Variants in VAT1 observed in about 807,000 individuals in gnomAD.
VAT1 encodes the protein vesicle amine transport 1, also known as NADPH-dependent quinone oxidoreductase VAT1.
Under a neutral mutation model 33.3 loss-of-function variants are expected in VAT1, and 24 were observed. The observed-to-expected ratio is 0.72, with a 90% CI of 0.52 to 1.01. The LOEUF (loss-of-function observed/expected upper bound fraction) is 1.01, where lower values mean the gene tolerates loss of function less well. Among genes scored for constraint, VAT1 ranks in the 50% least tolerant of loss-of-function variants. VAT1 has a pLI of 0.00. For missense variants in VAT1, 436 were observed against 533.7 expected, an observed-to-expected ratio of 0.82 and a Z score of 1.80; for synonymous variants, 212 against 225.0, an observed-to-expected ratio of 0.94 and a Z score of 0.52.
Position 43,021,940 on chromosome 17 carries a change from C to T in VAT1, c.383G>A (p.Arg128His), listed in dbSNP as rs1442638177. Residue 128 changes from arginine to histidine, a missense_variant, in exon 1 of 6, where the codon CGC (arginine) becomes CAC (histidine). By Grantham distance (29) the Arg-to-His change is conservative. Coordinates refer to ENST00000355653, the MANE Select transcript of VAT1 (RefSeq NM_006373.4). ...VIAVGEGVSDRKAGDRVMVLN... is the reference protein window; with the variant it reads ...VIAVGEGVSDHKAGDRVMVLN... ...TGCCCTACGCAACCCGCTCACCTTG[C>T]GGTCGCTGACTCCCTCGCCCACTGC... 1.2e-6 allele frequency: 2 copies of T among 1,610,544 alleles called. No individual in the cohort carries two copies. Among genetic ancestry groups the T allele is most frequent in the South Asian group, 1.1e-5 (1 of 90,928 alleles).
Position 43,022,043 on chromosome 17 carries a change from T to C in VAT1, c.280A>G (p.Met94Val), listed in dbSNP as rs750907052. The C allele has an allele frequency of 4.4e-6, 7 of 1,607,868 alleles. No homozygotes were observed. Among genetic ancestry groups the C allele is most frequent in the South Asian group, 1.1e-5 (1 of 90,396 alleles). The change falls in exon 1 of 6, where the codon ATG becomes GTG. Residue 94 changes from methionine (M) to valine (V), a missense_variant. Met to Val is a conservative substitution (Grantham distance 21, BLOSUM62 1). Around this residue, in one of 2 missense-constraint regions of VAT1, gnomAD observed 282 missense variants for 405.4 expected, o/e 0.70. Coordinates refer to ENST00000355653, the MANE Select transcript of VAT1 (RefSeq NM_006373.4). ...CGGTCGTACAGCCCCTGCCTAGCCATGAGGTCTGCGAAGTTGAGCCCGCAG... is the reference window on the plus strand; with the variant it reads ...CGGTCGTACAGCCCCTGCCTAGCCACGAGGTCTGCGAAGTTGAGCCCGCAG... The part of the protein sequence containing the change: ...RACGLNFADL[M>V]ARQGLYDRLP...
intron 1 of VAT1, among the ~76,000 whole-genome samples, chr17:43,021,348 A>G (rs1363927933): frequency 2.6e-5 from 4 of 152,104 alleles, no homozygotes; most frequent in Admixed American, 2.6e-4. Context: ...GCGGTGGGGT[A>G]GCAAAGGCTC....
intron 1 of VAT1, 43 bp downstream of exon 1, chr17:43,021,893 A>C: frequency 6.2e-7 from 1 of 1,605,136 alleles, no homozygotes; most frequent in African/African-American, 1.3e-5. Flanking sequence ...CCCACTGCCC[A>C]GTGGCCTGCG....
At chr17:43,016,222 C>A in intron 5 of VAT1, 78 bp from the exon 6 acceptor site, 1 of 1,610,100 alleles carries the variant, frequency 6.2e-7, no homozygotes. Flanking sequence ...GCAGGCAGCC[C>A]TCCTCTTCCC....
In VAT1 at chr17:43,022,279, T is replaced by A. The variant is rs779470392; in HGVS notation, c.44A>T (p.Asp15Val). The A allele has an allele frequency of 6.3e-6, 10 of 1,588,568 alleles. No homozygotes were observed. The East Asian group carries it at 2.3e-4, about 36-fold the overall frequency. ...GGTTTTCGGAGGCGGCGAAGAGGCGTCTTCCCCGGTCGCTGCCTCGGCTAC... is the reference window on the plus strand; with the variant it reads ...GGTTTTCGGAGGCGGCGAAGAGGCGACTTCCCCGGTCGCTGCCTCGGCTAC... ...REVAEAATGE[D>V]ASSPPPKTEA... The change falls in exon 1 of 6, where the codon GAC (aspartate) becomes GTC (valine). Residue 15 changes from aspartate (D) to valine (V), a missense_variant. Physicochemically the swap from Asp to Val is radical, Grantham distance 152. Transcript: ENST00000355653.
At position 43,022,309 on chromosome 17, in the gene VAT1, C is replaced by A; in HGVS notation, c.14G>T (p.Arg5Ile). MSDEREVAEAATGED... is the reference protein window; with the variant it reads MSDEIEVAEAATGED... ...CCCGGTCGCTGCCTCGGCTACCTCT[C>A]TCTCGTCGGACATGGCTGGGACTCC... Residue 5 changes from arginine to isoleucine, a missense_variant, in exon 1 of 6, where the codon AGA becomes ATA. Physicochemically the swap from Arg to Ile is moderately conservative, Grantham distance 97 (BLOSUM62 -3). Around this residue, in one of 2 missense-constraint regions of VAT1, gnomAD observed 154 missense variants for 128.3 expected, o/e 1.20. Coordinates refer to ENST00000355653, the MANE Select transcript of VAT1 (RefSeq NM_006373.4). 4.4e-6 allele frequency: 7 copies of A among 1,582,864 alleles called. No homozygotes were observed. Among genetic ancestry groups the A allele is most frequent in the Non-Finnish European group, 6.0e-6 (7 of 1,167,128 alleles).
At chr17:43,020,450 G>C (rs2050557166) in intron 1 of VAT1, among the ~76,000 whole-genome samples, 1 of 152,182 alleles carries the variant, frequency 6.6e-6, no homozygotes, top group Admixed American at 6.5e-5. Context: ...GGCCAGAGCT[G>C]AATTCAGAGG....
At chr17:43,019,040 C>G in intron 1 of VAT1, 1 of 559,132 alleles carries the variant, frequency 1.8e-6, no homozygotes, top group South Asian at 2.1e-5. Context: ...CTTAATTAAC[C>G]CTTACATCAG....
In VAT1 at chr17:43,022,236, G is replaced by A. The variant is rs900284216; in HGVS notation, c.87C>T (p.Pro29=). ...CCCCTTCGGAGGCCGCGGGATGCTG[G>A]GGGTCGCTCGCTGCCTCGGTTTTCG... ...PPPKTEAASD[P]QHPAASEGAA... The change falls in exon 1 of 6, where the codon CCC becomes CCT. Residue 29 remains proline, a synonymous_variant. Coordinates refer to ENST00000355653, the MANE Select transcript of VAT1 (RefSeq NM_006373.4). 1.9e-6 allele frequency: 3 copies of A among 1,576,038 alleles called. No individual in the cohort carries two copies. The highest frequency in any genetic ancestry group is 2.7e-5 in the African/African-American group (2 of 74,114).
intron 1 of VAT1, among the ~76,000 whole-genome samples, chr17:43,021,710 A>T (rs1344253689): frequency 6.6e-6 from 1 of 151,742 alleles, no homozygotes. Flanking sequence ...CGGCGGCCAC[A>T]ACTAAAAATG....
chr17:43,017,353 C>T lies in VAT1; in HGVS notation c.856+488G>A, dbSNP rs148848636. On this transcript the variant is annotated intron_variant, in intron 4 of 5. Coordinates refer to ENST00000355653, the MANE Select transcript of VAT1 (RefSeq NM_006373.4). The stretch of plus-strand genomic sequence containing the variant: ...ATCCCAGCACTTTGGGAGGCTGAGG[C>T]GGCTGGATCACCTGAGATCAGGAGT... Among the ~76,000 whole-genome samples the T allele has an allele frequency of 1.6e-3, 238 of 151,352 alleles. No individual in the cohort carries two copies. In the East Asian group the frequency reaches 0.02, roughly 13 times the overall value.
intron 1 of VAT1, among the ~76,000 whole-genome samples, chr17:43,019,769 A>G (rs2050551532): frequency 6.6e-6 from 1 of 152,188 alleles, no homozygotes; most frequent in African/African-American, 2.4e-5. Flanking sequence ...CGCTCTCTGA[A>G]GAGCATGAAG....
intron 4 of VAT1, 115 bp downstream of exon 4, chr17:43,017,726 G>T: frequency 1.2e-6 from 1 of 862,034 alleles, no homozygotes; most frequent in Non-Finnish European, 1.9e-6. Context: ...ATCGTCTACA[G>T]AGCACCTGAG....
chr17:43,018,159 C>T lies in VAT1; in HGVS notation c.643G>A (p.Val215Met). The T allele has an allele frequency of 6.2e-7, 1 of 1,614,040 alleles. No individual in the cohort carries two copies. Among genetic ancestry groups the T allele is most frequent in the Non-Finnish European group, 8.5e-7 (1 of 1,180,044 alleles). ...GCCGAGGCCGTTCCGAACACTGTCA[C>T]ATTCTCCACTGTACGGCACAGCTGC... ...AVQLCRTVEN[V>M]TVFGTASASK... The change falls in exon 3 of 6, where the codon GTG becomes ATG. Residue 215 changes from valine (V) to methionine (M), a missense_variant. Coordinates refer to ENST00000355653, the MANE Select transcript of VAT1 (RefSeq NM_006373.4).
intron 1 of VAT1, chr17:43,020,062 C>G (rs2050554015): frequency 1.0e-6 from 1 of 979,854 alleles, no homozygotes; most frequent in Admixed American, 6.2e-5. Flanking sequence ...TACAGAACAA[C>G]CCAGGAGAGC....
intron 1 of VAT1, chr17:43,019,175 C>T (rs1035936249): frequency 4.7e-6 from 1 of 211,040 alleles, no homozygotes; most frequent in African/African-American, 2.3e-5. Flanking sequence ...AAAGATCAAA[C>T]TGCTGTGGTT....
At chr17:43,016,177 C>A in intron 5 of VAT1, 33 bp from the exon 6 acceptor site, 1 of 1,613,720 alleles carries the variant, frequency 6.2e-7, no homozygotes, top group Non-Finnish European at 8.5e-7. Context: ...GCTCCCAGTG[C>A]TATCCAACCC....
At position 43,018,580 on chromosome 17, in the gene VAT1, G is replaced by A; in HGVS notation, c.595+12C>T. 6.2e-7 allele frequency: 1 copy of A among 1,612,810 alleles called. No individual in the cohort carries two copies. Among genetic ancestry groups the A allele is most frequent in the Non-Finnish European group, 8.5e-7 (1 of 1,179,978 alleles). ...GTGGGGTAAGGGGTGATAAAGTGAG[G>A]GGACCTGTCACCTGCAGCCATGTGT... On this transcript the variant is annotated intron_variant, in intron 2 of 5. Coordinates refer to ENST00000355653, the MANE Select transcript of VAT1 (RefSeq NM_006373.4).
chr17:43,016,960 T>G (rs981868378), intron 4 of VAT1, among the ~76,000 whole-genome samples: 1 of 149,118 alleles, frequency 6.7e-6, no homozygotes, highest in Non-Finnish European at 1.5e-5. Flanking sequence ...ACGTCAGGAG[T>G]TCGAGACCAG....
Sources: allele counts gnomAD v4.1 joint callset (sites outside exome capture counted in the v4.1 genomes callset), GRCh38; gene constraint gnomAD v4.1.1; regional missense constraint gnomAD v4.1.1; transcripts MANE v1.5; gene names NCBI Gene and HGNC (gene_info 2026-07-23, HGNC 2026-07-21).